PINX1: variants seen among roughly 807,000 people sequenced by gnomAD.
PINX1 encodes the protein PIN2/TERF1-interacting telomerase inhibitor 1.
PINX1 carries 34 observed loss-of-function variants against 25.4 expected under a neutral mutation model. That is an observed-to-expected ratio of 1.34 (90% confidence interval 1.02 to 1.78). The LOEUF (loss-of-function observed/expected upper bound fraction) is 1.78. Ranked by LOEUF, PINX1 falls within the 40% of genes most tolerant of loss-of-function variation. The probability of loss-of-function intolerance (pLI) is 0.00; values close to 1 mark genes in which losing one functional copy is unlikely to be tolerated. For synonymous variants in PINX1, 197 were observed against 147.7 expected, an observed-to-expected ratio of 1.33 and a Z score of -2.42; for missense variants, 592 against 404.9, an observed-to-expected ratio of 1.46 and a Z score of -3.97.
intron 6 of PINX1, among the ~76,000 whole-genome samples, chr8:10,797,895 C>A (rs766563775): frequency 5.9e-5 from 9 of 152,230 alleles, no homozygotes; most frequent in Non-Finnish European, 1.3e-4. Flanking sequence ...ACAACCATGT[C>A]AGGAGAATCT....
chr8:10,831,857 T>G (rs1346555258), intron 3 of PINX1, 114 bp from the exon 4 acceptor site: 2 of 666,088 alleles, frequency 3.0e-6, no homozygotes, highest in Non-Finnish European at 5.4e-6. Context: ...ATTTTAAATG[T>G]TCCATCAAAA....
chr8:10,825,340 C>T (rs773387629), intron 5 of PINX1: 4 of 534,700 alleles, frequency 7.5e-6, no homozygotes, highest in Non-Finnish European at 1.5e-5. Flanking sequence ...CATCCAACCT[C>T]CCAGGAAAGA....
intron 6 of PINX1, chr8:10,771,290 G>A (rs1246732404): frequency 6.6e-6 from 1 of 152,212 alleles, no homozygotes; most frequent in Non-Finnish European, 1.5e-5. Context: ...AACAGAAGGG[G>A]CAGGATGAAC....
At chr8:10,804,677 G>A (rs769002173) in intron 6 of PINX1, among the ~76,000 whole-genome samples, 30 of 151,716 alleles carry the variant, frequency 2.0e-4, no homozygotes, top group Admixed American at 6.6e-4. Context: ...TGGTTTCATC[G>A]GAAGGAATGA....
At chr8:10,815,399 T>TAAC (rs2129084279) in intron 6 of PINX1, among the ~76,000 whole-genome samples, 1 of 152,344 alleles carries the variant, frequency 6.6e-6, no homozygotes, top group South Asian at 2.1e-4. Context: ...TCAAAATAAT[T>TAAC]AAGAGAGCAC....
At chr8:10,774,662 G>A (rs904097781) in intron 6 of PINX1, among the ~76,000 whole-genome samples, 2 of 152,182 alleles carry the variant, frequency 1.3e-5, no homozygotes, top group African/African-American at 4.8e-5. Context: ...TAATTAAGTA[G>A]TCATGATTGT....
In PINX1 at chr8:10,765,910, C is replaced by A. The variant is rs1204753855; in HGVS notation, c.478G>T (p.Ala160Ser). Residue 160 changes from alanine to serine, a missense_variant, in exon 7 of 7, where the codon GCC becomes TCC. Coordinates refer to ENST00000314787, the MANE Select transcript of PINX1 (RefSeq NM_017884.6). Reference sequence around the variant, plus strand: ...TTCTCCTCTGGAGTGGAGGGACTGGCATCGCCCTATGGTGGGCAGAAGAGT... The same window carrying A: ...TTCTCCTCTGGAGTGGAGGGACTGGAATCGCCCTATGGTGGGCAGAAGAGT... ...RQSKKTPEGD[A>S]SPSTPEENET... The A allele has an allele frequency of 3.1e-6, 5 of 1,613,440 alleles. No homozygotes were observed. The South Asian group carries it at 4.4e-5, about 14-fold the overall frequency.
rs141407020 is a variant in PINX1 at position 10,796,381 on chromosome 8, C to T, written c.471+23812G>A. The stretch of plus-strand genomic sequence containing the variant: ...CCAGAGTAGAGACACCCGCAAGAAT[C>T]CGATGAGTTCCATTTCTACCTCTCG... On this transcript the variant is annotated intron_variant, in intron 6 of 6. Coordinates refer to ENST00000314787, the MANE Select transcript of PINX1 (RefSeq NM_017884.6). Among the ~76,000 whole-genome samples the T allele has an allele frequency of 3.3e-5, 5 of 152,082 alleles. No homozygotes were observed. In the South Asian group the frequency reaches 8.3e-4, roughly 25 times the overall value.
chr8:10,807,338 C>CA (rs1304665793), intron 6 of PINX1, among the ~76,000 whole-genome samples: 3 of 106,870 alleles, frequency 2.8e-5, no homozygotes, highest in South Asian at 4.3e-4. Flanking sequence ...CCCCCCCCCC[C>CA]ACCAAAGTAG....
At chr8:10,826,459 A>G (rs1464366985) in intron 4 of PINX1, among the ~76,000 whole-genome samples, 1 of 152,226 alleles carries the variant, frequency 6.6e-6, no homozygotes, top group African/African-American at 2.4e-5. Context: ...TTTGCATACT[A>G]TGGATCAGGC....
intron 6 of PINX1, among the ~76,000 whole-genome samples, chr8:10,773,002 T>G (rs1190182235): frequency 6.6e-6 from 1 of 152,180 alleles, no homozygotes; most frequent in Non-Finnish European, 1.5e-5. Context: ...AAAAATTACA[T>G]GAATTTCAAA....
At chr8:10,824,043 G>C (rs1156983471) in intron 5 of PINX1, among the ~76,000 whole-genome samples, 1 of 152,128 alleles carries the variant, frequency 6.6e-6, no homozygotes, top group Admixed American at 6.5e-5. Context: ...GTCGTTATCA[G>C]CATACCCACT....
In PINX1 at chr8:10,835,694, T is replaced by TA. The variant is rs113963610; in HGVS notation, c.20-920dup. Among the ~76,000 whole-genome samples the TA allele has an allele frequency of 5.7e-3, 863 of 151,746 alleles. 9 individuals carry two copies. Among genetic ancestry groups the TA allele is most frequent in the African/African-American group, 0.02 (827 of 41,280 alleles). ...TTTTCTGAGGCTTCATTGCAAGAAG[T>TA]AAAAAAATCACTGTGCCCACAGCAG... On this transcript the variant is annotated intron_variant, in intron 1 of 6. Transcript: ENST00000314787.
chr8:10,830,532 A>G (rs1360156123), intron 4 of PINX1, among the ~76,000 whole-genome samples: 1 of 152,198 alleles, frequency 6.6e-6, no homozygotes, highest in African/African-American at 2.4e-5. Flanking sequence ...TCACTCCACA[A>G]AATTCTTTCA....
intron 6 of PINX1, among the ~76,000 whole-genome samples, chr8:10,816,337 A>G (rs1293592533): frequency 6.6e-6 from 1 of 152,236 alleles, no homozygotes; most frequent in African/African-American, 2.4e-5. Flanking sequence ...TTCATCTATA[A>G]AAAGTTAAAG....
intron 6 of PINX1, among the ~76,000 whole-genome samples, chr8:10,770,212 G>T (rs991924387): frequency 1.3e-5 from 2 of 152,212 alleles, no homozygotes; most frequent in Non-Finnish European, 2.9e-5. Flanking sequence ...ATGGAAAGGT[G>T]GCTGCTGTGG....
chr8:10,788,006 G>T (rs1801805987), intron 6 of PINX1, among the ~76,000 whole-genome samples: 1 of 152,134 alleles, frequency 6.6e-6, no homozygotes, highest in African/African-American at 2.4e-5. Context: ...GAGAAACTGT[G>T]GTTAATGTTT....
chr8:10,768,305 ACTCCTTACCTTG>A (rs1442618479), intron 6 of PINX1, among the ~76,000 whole-genome samples: 1 of 152,108 alleles, frequency 6.6e-6, no homozygotes. Flanking sequence ...GAATCCTATG[ACTCCTTACCTTG>A]CTCATCTATT....
At chr8:10,780,650 T>C (rs1369588968) in intron 6 of PINX1, among the ~76,000 whole-genome samples, 1 of 151,926 alleles carries the variant, frequency 6.6e-6, no homozygotes, top group Non-Finnish European at 1.5e-5. Flanking sequence ...AGGGATAAAT[T>C]TAACATAGGA....
Sources: allele counts gnomAD v4.1 joint callset (sites outside exome capture counted in the v4.1 genomes callset), GRCh38; gene constraint gnomAD v4.1.1; transcripts MANE v1.5; gene names NCBI Gene and HGNC (gene_info 2026-07-23, HGNC 2026-07-21).